Variants in PLCB1 observed in about 807,000 individuals in gnomAD.
The protein encoded by PLCB1 is phospholipase C beta 1.
A neutral mutation model predicts 161.8 loss-of-function variants in PLCB1; 46 were observed. The observed-to-expected ratio is 0.28, with a 90% CI of 0.22 to 0.36. The LOEUF is 0.36. PLCB1 is among the 10% of genes least tolerant of loss of function. The pLI is 1.00. For missense variants in PLCB1, 1,016 were observed against 1,472.5 expected, an observed-to-expected ratio of 0.69 and a Z score of 5.07; for synonymous variants, 517 against 503.7, an observed-to-expected ratio of 1.03 and a Z score of -0.35.
chr20:8,504,573 C>G (rs968850338), intron 3 of PLCB1, among the ~76,000 whole-genome samples: 1 of 152,014 alleles, frequency 6.6e-6, no homozygotes, highest in African/African-American at 2.4e-5. Context: ...TGCTTTAACC[C>G]CCTGCCCCAA....
At chr20:8,338,223 G>T (rs1243152819) in intron 2 of PLCB1, among the ~76,000 whole-genome samples, 1 of 151,968 alleles carries the variant, frequency 6.6e-6, no homozygotes. Context: ...ATAAAGGGCA[G>T]GATTTTAACA....
intron 3 of PLCB1, among the ~76,000 whole-genome samples, chr20:8,622,984 T>G (rs1988227614): frequency 6.6e-6 from 1 of 152,196 alleles, no homozygotes; most frequent in Non-Finnish European, 1.5e-5. Flanking sequence ...CCCAATTTTC[T>G]TGGTCCAAGG....
rs1476358645 is a variant in PLCB1, at chr20:8,882,768, T to C, written c.*919T>C. On this transcript the variant is annotated 3_prime_UTR_variant, in exon 32 of 32. Coordinates refer to ENST00000338037, the MANE Select transcript of PLCB1 (RefSeq NM_015192.4). ...TTTGCCGTTTGACATTTTTTATGGT[T>C]CATTTATTTTTAATATAGAGAGGAA... The C allele has an allele frequency of 6.6e-6, 1 of 152,254 alleles. No homozygotes were observed. Among genetic ancestry groups the C allele is most frequent in the Non-Finnish European group, 1.5e-5 (1 of 68,040 alleles). 9.4% of individuals were successfully genotyped at this position (152,254 alleles called of 1,614,324 possible).
intron 31 of PLCB1, among the ~76,000 whole-genome samples, chr20:8,858,607 A>T (rs1162302118): frequency 6.6e-6 from 1 of 152,112 alleles, no homozygotes; most frequent in Admixed American, 6.5e-5. Context: ...GTATGATTCC[A>T]CTGGGGTCAC....
At chr20:8,725,753 A>G (rs1238203473) in intron 16 of PLCB1, among the ~76,000 whole-genome samples, 1 of 152,126 alleles carries the variant, frequency 6.6e-6, no homozygotes. Flanking sequence ...GAGTTTCTCT[A>G]ACTCATTAGT....
chr20:8,162,504 G>A (rs996290689), intron 2 of PLCB1, among the ~76,000 whole-genome samples: 1 of 152,160 alleles, frequency 6.6e-6, no homozygotes, highest in Non-Finnish European at 1.5e-5. Flanking sequence ...ATAATTTCAG[G>A]TGTGATAGGA....
chr20:8,728,881 T>A (rs1462911636), intron 17 of PLCB1, among the ~76,000 whole-genome samples, 169 bp from the exon 18 acceptor site: 3 of 152,136 alleles, frequency 2.0e-5, no homozygotes, highest in Non-Finnish European at 4.4e-5. Context: ...TGAAACAGCC[T>A]ATTTAATTTC....
chr20:8,871,250 A>G (rs904009823), intron 31 of PLCB1, among the ~76,000 whole-genome samples: 2 of 152,190 alleles, frequency 1.3e-5, no homozygotes, highest in African/African-American at 4.8e-5. Context: ...GTTTTCTATC[A>G]CATCTACATA....
chr20:8,844,210 C>CTGCCGTTGTCCTTTTGTT (rs1234538959), intron 31 of PLCB1, among the ~76,000 whole-genome samples: 1 of 152,224 alleles, frequency 6.6e-6, no homozygotes, highest in African/African-American at 2.4e-5. Flanking sequence ...GCTCTCAACT[C>CTGCCGTTGTCCTTTTGTT]TGCCGTTGTC....
Position 8,495,388 on chromosome 20 carries a change from C to CTTT in PLCB1, c.246+123963_246+123965dup, listed in dbSNP as rs869173548. Among the ~76,000 whole-genome samples, 122 of 94,354 alleles carry CTTT rather than the reference C, an allele frequency of 1.3e-3. 14 individuals carry two copies. Among genetic ancestry groups the CTTT allele is most frequent in the African/African-American group, 3.3e-3 (73 of 22,216 alleles). 61.9% of individuals were successfully genotyped at this position (94,354 alleles called of 152,430 possible). On this transcript the variant is annotated intron_variant, in intron 3 of 31. Coordinates refer to ENST00000338037, the MANE Select transcript of PLCB1 (RefSeq NM_015192.4). ...TGTGGACTTTGCCTTACCTTCCTTT[C>CTTT]TTTTTTTTTTTTTTTTTTTTTTTTT...
chr20:8,758,235 A>C (rs1011697369), intron 24 of PLCB1, among the ~76,000 whole-genome samples: 1 of 151,128 alleles, frequency 6.6e-6, no homozygotes, highest in Admixed American at 6.6e-5. Flanking sequence ...AGAATTAAAA[A>C]AAAAAAAACC....
At chr20:8,519,030 G>A (rs1383176372) in intron 3 of PLCB1, among the ~76,000 whole-genome samples, 2 of 152,196 alleles carry the variant, frequency 1.3e-5, no homozygotes, top group Admixed American at 6.5e-5. Flanking sequence ...AGGGGGAGCG[G>A]CTGTAAATAC....
At chr20:8,527,596 A>C (rs1984633451) in intron 3 of PLCB1, among the ~76,000 whole-genome samples, 1 of 152,090 alleles carries the variant, frequency 6.6e-6, no homozygotes. Context: ...TTATGGGATT[A>C]ATGTCAAAAT....
chr20:8,761,977 G>GGGC (rs1018253027), intron 25 of PLCB1, among the ~76,000 whole-genome samples: 32 of 67,622 alleles, frequency 4.7e-4, no homozygotes, highest in Admixed American at 1.9e-3. Context: ...GGGAGGCCAA[G>GGGC]GGGGGGGCGG....
intron 31 of PLCB1, among the ~76,000 whole-genome samples, chr20:8,819,592 A>C (rs1985239385): frequency 6.6e-6 from 1 of 152,162 alleles, no homozygotes; most frequent in Non-Finnish European, 1.5e-5. Context: ...CCTACACTTA[A>C]AACTTAATCA....
Position 8,881,932 on chromosome 20 carries a change from A to C in PLCB1, c.*83A>C. 1.1e-6 allele frequency: 1 copy of C among 902,296 alleles called. No homozygotes were observed. The highest frequency in any genetic ancestry group is 2.1e-5 in the Admixed American group (1 of 48,192). 55.9% of individuals were successfully genotyped at this position (902,296 alleles called of 1,614,324 possible). A position where few individuals can be genotyped will look rare whatever the true frequency, so the allele number is the denominator to read the frequency against. ...CTTATTACAAAGATCACTGCCCAGG[A>C]CCATCTTCCCGAGAAGCATCCCTTA... On this transcript the variant is annotated 3_prime_UTR_variant, in exon 32 of 32. Coordinates refer to ENST00000338037, the MANE Select transcript of PLCB1 (RefSeq NM_015192.4).
At chr20:8,250,162 A>G (rs1981065496) in intron 2 of PLCB1, among the ~76,000 whole-genome samples, 1 of 151,940 alleles carries the variant, frequency 6.6e-6, no homozygotes, top group Non-Finnish European at 1.5e-5. Flanking sequence ...GCTTAAACCT[A>G]TCATTTCTAT....
At chr20:8,482,916 C>CT (rs965270385) in intron 3 of PLCB1, among the ~76,000 whole-genome samples, 3 of 149,836 alleles carry the variant, frequency 2.0e-5, no homozygotes, top group Admixed American at 6.6e-5. Flanking sequence ...TTTTTAACCT[C>CT]TTTTTCTAAA....
At chr20:8,556,983 A>AAATAAATAAAT (rs149248053) in intron 3 of PLCB1, among the ~76,000 whole-genome samples, 1 of 143,302 alleles carries the variant, frequency 7.0e-6, no homozygotes, top group African/African-American at 2.6e-5. Flanking sequence ...ATAAATAAAT[A>AAATAAATAAAT]AAATAAATAA....
Sources: gnomAD v4.1 joint callset for allele counts (sites outside exome capture counted in the v4.1 genomes callset) on GRCh38, gnomAD v4.1.1 for gene constraint, MANE v1.5 for transcripts, NCBI Gene and HGNC (gene_info 2026-07-23, HGNC 2026-07-21) for gene names.